Variants in CMBL observed in about 807,000 individuals in gnomAD.
CMBL encodes the protein carboxymethylenebutenolidase homolog.
Under a neutral mutation model 28.7 loss-of-function variants are expected in CMBL, and 17 were observed. That is an observed-to-expected ratio of 0.59 (90% CI 0.41 to 0.89). The LOEUF is 0.89. CMBL is among the 40% of genes least tolerant of loss of function. The probability of loss-of-function intolerance (pLI) is 0.00; values close to 1 mark genes in which losing one functional copy is unlikely to be tolerated. For missense variants in CMBL, 310 were observed against 298.5 expected (o/e 1.04, Z -0.28); for synonymous variants, 106 against 101.6 (o/e 1.04, Z -0.26).
At chr5:10,301,996 T>G (rs1746908353) in intron 1 of CMBL, among the ~76,000 whole-genome samples, 1 of 152,186 alleles carries the variant, frequency 6.6e-6, no homozygotes, top group Non-Finnish European at 1.5e-5. Context: ...CGAGCAGCCC[T>G]CTAGGCTGAT....
At chr5:10,300,406 T>C (rs559823581) in intron 1 of CMBL, among the ~76,000 whole-genome samples, 1 of 152,292 alleles carries the variant, frequency 6.6e-6, no homozygotes, top group South Asian at 2.1e-4. Flanking sequence ...AGTCACCCAG[T>C]ATCTGGTAAT....
At chr5:10,286,686 C>T (rs1032626650) in intron 3 of CMBL, among the ~76,000 whole-genome samples, 190 bp from the exon 4 acceptor site, 2 of 152,176 alleles carry the variant, frequency 1.3e-5, no homozygotes, top group African/African-American at 4.8e-5. Flanking sequence ...CCTGCCAAGC[C>T]CAGCCCTCCT....
rs534928794 is a variant in CMBL at position 10,286,438 on chromosome 5, T to A, written c.382A>T (p.Ile128Phe). The part of the protein sequence containing the change: ...KQQCHAQKIG[I>F]VGFCWGGTAV... ...GTTCCACCCCAGCAGAATCCCACGA[T>A]GCCAATTTTCTGGGCATGACACTGT... Residue 128 changes from isoleucine (I) to phenylalanine (F), a missense_variant, in exon 4 of 6, where the codon ATC becomes TTC. Ile to Phe is a conservative substitution (Grantham distance 21). Transcript: ENST00000296658. 1 of 1,613,358 alleles carries A rather than the reference T, an allele frequency of 6.2e-7. No homozygotes were observed. Among genetic ancestry groups the A allele is most frequent in the African/African-American group, 1.3e-5 (1 of 75,032 alleles).
intron 1 of CMBL, among the ~76,000 whole-genome samples, chr5:10,306,130 A>T (rs1188743268): frequency 6.6e-6 from 1 of 152,166 alleles, no homozygotes; most frequent in Non-Finnish European, 1.5e-5. Context: ...TAACACTGGC[A>T]GTCAGACAGG....
chr5:10,291,623 T>C (rs1449993570), intron 1 of CMBL, among the ~76,000 whole-genome samples: 6 of 150,412 alleles, frequency 4.0e-5, no homozygotes, highest in East Asian at 3.9e-4. Context: ...ATCGCGCCAC[T>C]GCACTCCAGC....
intron 1 of CMBL, among the ~76,000 whole-genome samples, chr5:10,293,752 G>A (rs954287371): frequency 2.2e-4 from 33 of 152,214 alleles, no homozygotes; most frequent in African/African-American, 7.7e-4. Context: ...GTTTACTGAG[G>A]CACCACTCTG....
At chr5:10,302,021 C>A (rs1438039521) in intron 1 of CMBL, among the ~76,000 whole-genome samples, 2 of 152,186 alleles carry the variant, frequency 1.3e-5, no homozygotes, top group East Asian at 3.9e-4. Context: ...CAAGGTTATT[C>A]TCCTACAGGA....
Position 10,290,799 on chromosome 5 carries a change from T to G in CMBL, c.-19-18A>C. On this transcript the variant is annotated intron_variant, in intron 1 of 5. Coordinates refer to ENST00000296658, the MANE Select transcript of CMBL (RefSeq NM_138809.4). ...AAGTCGGGCTATGGAGAGAGAAACATGCGTTATATTCTGAATGCTGCAAAT... is the reference window on the plus strand; with the variant it reads ...AAGTCGGGCTATGGAGAGAGAAACAGGCGTTATATTCTGAATGCTGCAAAT... 6.5e-7 allele frequency: 1 copy of G among 1,548,202 alleles called. No individual in the cohort carries two copies. The highest frequency in any genetic ancestry group is 1.7e-5 in the Admixed American group (1 of 59,814).
At chr5:10,294,606 AATC>A (rs1361969993) in intron 1 of CMBL, among the ~76,000 whole-genome samples, 1 of 152,186 alleles carries the variant, frequency 6.6e-6, no homozygotes, top group Non-Finnish European at 1.5e-5. Context: ...TTTAAGAAGA[AATC>A]ATCAAGTAGC....
chr5:10,302,461 T>C (rs1579478453), intron 1 of CMBL, among the ~76,000 whole-genome samples: 1 of 141,806 alleles, frequency 7.1e-6, no homozygotes, highest in African/African-American at 2.7e-5. Flanking sequence ...CTGGCCAACA[T>C]GGCAAAACCT....
intron 1 of CMBL, among the ~76,000 whole-genome samples, chr5:10,302,601 A>T (rs1746920321): frequency 6.8e-6 from 1 of 147,796 alleles, no homozygotes; most frequent in Admixed American, 6.7e-5. Context: ...CTCTGTCTCA[A>T]AAAAAAAAAA....
rs34798121 is a variant in CMBL at position 10,292,826 on chromosome 5, CA to C, written c.-19-2046del. Among the ~76,000 whole-genome samples, 326 of 107,232 alleles carry C rather than the reference CA, an allele frequency of 3.0e-3. 1 individual carries two copies. Among genetic ancestry groups the C allele is most frequent in the East Asian group, 0.022 (53 of 2,440 alleles). 70.3% of individuals were successfully genotyped at this position (107,232 alleles called of 152,430 possible). On this transcript the variant is annotated intron_variant, in intron 1 of 5. Coordinates refer to ENST00000296658, the MANE Select transcript of CMBL (RefSeq NM_138809.4). ...GCAACAAGAGCGAGGCTCTGTCTCACAAAAAAAAAAAAAAAAAAATTAAGGT... is the reference window on the plus strand; with the variant it reads ...GCAACAAGAGCGAGGCTCTGTCTCACAAAAAAAAAAAAAAAAAATTAAGGT...
At chr5:10,283,570 G>T (rs1401990661) in intron 4 of CMBL, among the ~76,000 whole-genome samples, 1 of 152,198 alleles carries the variant, frequency 6.6e-6, no homozygotes, top group Non-Finnish European at 1.5e-5. Context: ...CTTGAGGTCA[G>T]GAGTTCGAGA....
intron 5 of CMBL, among the ~76,000 whole-genome samples, chr5:10,280,994 A>T (rs931160170): frequency 2.0e-5 from 3 of 152,032 alleles, no homozygotes; most frequent in African/African-American, 7.2e-5. Flanking sequence ...GGCTAGTCTC[A>T]AACTCCTGAC....
At chr5:10,288,229 T>C (rs954199965) in intron 3 of CMBL, among the ~76,000 whole-genome samples, 193 bp downstream of exon 3, 5 of 152,030 alleles carry the variant, frequency 3.3e-5, no homozygotes, top group African/African-American at 1.2e-4. Flanking sequence ...ATCATGCCAC[T>C]GCTCTCCAGC....
At chr5:10,288,013 G>C (rs1045831740) in intron 3 of CMBL, among the ~76,000 whole-genome samples, 1 of 150,288 alleles carries the variant, frequency 6.7e-6, no homozygotes, top group African/African-American at 2.4e-5. Flanking sequence ...TTACGGGTGT[G>C]AGCCACCATG....
At position 10,289,324 on chromosome 5, in the gene CMBL, T is replaced by C. The variant is rs141737606; in HGVS notation, c.216-795A>G. 2.0e-5 allele frequency among the ~76,000 whole-genome samples: 3 copies of C among 152,338 alleles called. No homozygotes were observed. Among genetic ancestry groups the C allele is most frequent in the African/African-American group, 4.8e-5 (2 of 41,574 alleles). ...ATTTTCTCATCTGACAAACTTGCAC[T>C]GCCTAACCCCAGAGGATCCTCTCGA... is the stretch of plus-strand genomic sequence containing the variant. On this transcript the variant is annotated intron_variant, in intron 2 of 5. Transcript: ENST00000296658. This position sits in a 1 kb window ranked among gnomAD's most constrained non-coding sequence, Gnocchi z 4.3.
At chr5:10,301,686 C>T (rs1185317524) in intron 1 of CMBL, among the ~76,000 whole-genome samples, 1 of 146,588 alleles carries the variant, frequency 6.8e-6, no homozygotes, top group African/African-American at 2.5e-5. Flanking sequence ...ACTGCAAACT[C>T]CGCCTCCCAG....
intron 1 of CMBL, among the ~76,000 whole-genome samples, chr5:10,302,078 G>A (rs1746910682): frequency 1.3e-5 from 2 of 152,300 alleles, no homozygotes; most frequent in South Asian, 2.1e-4. Flanking sequence ...GACCCTCCAC[G>A]TGGGCACAGC....
Sources: gnomAD v4.1 joint callset for allele counts (sites outside exome capture counted in the v4.1 genomes callset) on GRCh38, gnomAD v4.1.1 for gene constraint, Gnocchi (gnomAD v3.1) non-coding constraint, MANE v1.5 for transcripts, NCBI Gene and HGNC (gene_info 2026-07-23, HGNC 2026-07-21) for gene names.